Variants in PCCA observed in about 807,000 individuals in gnomAD.
PCCA encodes propionyl-CoA carboxylase alpha chain, mitochondrial.
PCCA carries 74 observed loss-of-function variants against 101.3 expected under a neutral mutation model. The ratio of observed to expected loss-of-function variants is 0.73; its 90% CI spans 0.61 to 0.89. The LOEUF (loss-of-function observed/expected upper bound fraction) is 0.89. Ranked by LOEUF, PCCA falls within the 40% of genes least tolerant of loss-of-function variation. PCCA has a pLI of 0.00. For missense variants in PCCA, 891 were observed against 907.0 expected, an observed-to-expected ratio of 0.98 and a Z score of 0.23; for synonymous variants, 294 against 313.6, an observed-to-expected ratio of 0.94 and a Z score of 0.66.
intron 18 of PCCA, among the ~76,000 whole-genome samples, chr13:100,345,513 G>GCTTA (rs1368876577): frequency 1.3e-5 from 2 of 152,198 alleles, no homozygotes; most frequent in Non-Finnish European, 2.9e-5. Flanking sequence ...AGCTATCAGA[G>GCTTA]CTTAGTTCAT....
intron 12 of PCCA, among the ~76,000 whole-genome samples, chr13:100,298,760 T>A (rs1211962335): frequency 2.1e-5 from 3 of 141,902 alleles, no homozygotes; most frequent in African/African-American, 7.9e-5. Context: ...CCTTCCGTCC[T>A]TTTGTTCCTT....
rs79313213 is a variant in PCCA at position 100,356,356 on chromosome 13, A to T, written c.1644-12116A>T. Among the ~76,000 whole-genome samples the T allele has an allele frequency of 2.8e-3, 427 of 152,276 alleles. 13 individuals carry two copies. In the East Asian group the frequency reaches 0.076, roughly 27 times the overall value. ...AAATGGGAGACAATATTTGCAAATCATATATATTTAATAGTCTTTTGTCTA... is the reference window on the plus strand; with the variant it reads ...AAATGGGAGACAATATTTGCAAATCTTATATATTTAATAGTCTTTTGTCTA... On this transcript the variant is annotated intron_variant, in intron 18 of 23. Coordinates refer to ENST00000376285, the MANE Select transcript of PCCA (RefSeq NM_000282.4).
chr13:100,468,722 T>C (rs2152952413), intron 21 of PCCA, among the ~76,000 whole-genome samples: 1 of 152,228 alleles, frequency 6.6e-6, no homozygotes, highest in Admixed American at 6.5e-5. Flanking sequence ...TTTGATTGTC[T>C]ATGGAGACCA....
intron 2 of PCCA, chr13:100,104,378 C>G (rs572632257): frequency 6.6e-6 from 1 of 152,126 alleles, no homozygotes; most frequent in Non-Finnish European, 1.5e-5. Context: ...GACCTGTAAT[C>G]CCCATGTGTT....
chr13:100,394,521 A>T lies in PCCA; in HGVS notation c.1746+25947A>T, dbSNP rs554345538. Among the ~76,000 whole-genome samples, 2 of 152,262 alleles carry T rather than the reference A, an allele frequency of 1.3e-5. No homozygotes were observed. The highest frequency in any genetic ancestry group is 3.9e-4 in the East Asian group (2 of 5,174). On this transcript the variant is annotated intron_variant, in intron 19 of 23. Coordinates refer to ENST00000376285, the MANE Select transcript of PCCA (RefSeq NM_000282.4). This position sits in a 1 kb window ranked among gnomAD's most constrained non-coding sequence, Gnocchi z 4.3. The stretch of plus-strand genomic sequence containing the variant: ...TGAACTGAAAATAGGCGTAAACTTG[A>T]GTAATTCCCTAAACCCAAAATATAA...
chr13:100,523,601 C>T (rs2087479767), intron 22 of PCCA, among the ~76,000 whole-genome samples: 1 of 152,174 alleles, frequency 6.6e-6, no homozygotes, highest in South Asian at 2.1e-4. Flanking sequence ...TTCTCTCAAG[C>T]CTTGTTTGGG....
chr13:100,252,463 A>G (rs1254543550), intron 8 of PCCA, among the ~76,000 whole-genome samples: 2 of 152,162 alleles, frequency 1.3e-5, no homozygotes, highest in Admixed American at 6.5e-5. Flanking sequence ...ATATTCTATG[A>G]AATTTTAATT....
At chr13:100,101,166 C>G (rs925470509) in intron 1 of PCCA, among the ~76,000 whole-genome samples, 4 of 152,126 alleles carry the variant, frequency 2.6e-5, no homozygotes, top group Non-Finnish European at 5.9e-5. Flanking sequence ...CTTTAGGCCA[C>G]ATTATTACAA....
intron 6 of PCCA, among the ~76,000 whole-genome samples, chr13:100,208,315 T>G (rs1322496572): frequency 1.3e-5 from 2 of 152,144 alleles, no homozygotes; most frequent in African/African-American, 4.8e-5. Context: ...GAATGAACCT[T>G]TTTTCCCAAG....
rs201320992 is a variant in PCCA at position 100,257,692 on chromosome 13, T to C, written c.716+19T>C. ...AGACCAGGTGAGAGGCTGTCCAAAA[T>C]ATACTTTTGATGAAAATTGCAGTTA... On this transcript the variant is annotated intron_variant, in intron 9 of 23. Transcript: ENST00000376285. 108 of 1,589,410 alleles carry C rather than the reference T, an allele frequency of 6.8e-5. No homozygotes were observed. The highest frequency in any genetic ancestry group is 6.9e-6 in the Non-Finnish European group (8 of 1,158,212).
At chr13:100,293,036 C>T (rs961216903) in intron 12 of PCCA, among the ~76,000 whole-genome samples, 2 of 151,632 alleles carry the variant, frequency 1.3e-5, no homozygotes, top group Admixed American at 6.6e-5. Flanking sequence ...GAAAAGCATC[C>T]TCTGTATAGT....
At chr13:100,117,882 T>C (rs549574266) in intron 4 of PCCA, among the ~76,000 whole-genome samples, 74 of 151,948 alleles carry the variant, frequency 4.9e-4, no homozygotes, top group African/African-American at 1.8e-3. Context: ...TTTGGGAGGC[T>C]GAGGCGGGCA....
chr13:100,183,129 T>C (rs2056949762), intron 6 of PCCA, among the ~76,000 whole-genome samples: 1 of 152,090 alleles, frequency 6.6e-6, no homozygotes, highest in Non-Finnish European at 1.5e-5. Context: ...GGTCTGTGTG[T>C]GTGCGTGTGG....
At chr13:100,321,400 AT>A (rs2068014295) in intron 16 of PCCA, among the ~76,000 whole-genome samples, 1 of 151,912 alleles carries the variant, frequency 6.6e-6, no homozygotes, top group African/African-American at 2.4e-5. Context: ...GCAACGCCAC[AT>A]TTTTTCAATG....
At chr13:100,125,196 T>TA (rs2049839453) in intron 4 of PCCA, among the ~76,000 whole-genome samples, 1 of 151,776 alleles carries the variant, frequency 6.6e-6, no homozygotes, top group African/African-American at 2.4e-5. Flanking sequence ...AACATTTTCT[T>TA]AAACTGCCTT....
chr13:100,219,945 T>C (rs896231738), intron 7 of PCCA, among the ~76,000 whole-genome samples: 1 of 152,198 alleles, frequency 6.6e-6, no homozygotes, highest in Non-Finnish European at 1.5e-5. Flanking sequence ...GTTTTCAGGC[T>C]CTTTTGAAAT....
intron 21 of PCCA, among the ~76,000 whole-genome samples, chr13:100,462,813 T>C (rs2082260127): frequency 6.6e-6 from 1 of 152,164 alleles, no homozygotes; most frequent in African/African-American, 2.4e-5. Context: ...CCTGCAGTCA[T>C]TGGGCCCATT....
intron 7 of PCCA, among the ~76,000 whole-genome samples, chr13:100,235,189 T>C (rs548310764): frequency 2.0e-5 from 3 of 151,372 alleles, no homozygotes; most frequent in South Asian, 4.2e-4. Flanking sequence ...CTTTTTGGAG[T>C]TTTTTCCTCC....
At position 100,118,923 on chromosome 13, in the gene PCCA, A is replaced by G. The variant is rs536203878; in HGVS notation, c.300+6862A>G. ...TGTTGAATTGTTCTGTTGTTATGCT[A>G]AGTATGATCATTTGGTTTCATCAGG... On this transcript the variant is annotated intron_variant, in intron 4 of 23. Transcript: ENST00000376285. Among the ~76,000 whole-genome samples the G allele has an allele frequency of 1.4e-4, 21 of 152,264 alleles. No individual in the cohort carries two copies. In the South Asian group the frequency reaches 4.3e-3, roughly 32 times the overall value.
Sources: gnomAD v4.1 joint callset for allele counts (sites outside exome capture counted in the v4.1 genomes callset) on GRCh38, gnomAD v4.1.1 for gene constraint, Gnocchi (gnomAD v3.1) non-coding constraint, MANE v1.5 for transcripts, NCBI Gene and HGNC (gene_info 2026-07-23, HGNC 2026-07-21) for gene names.